Variants in LRRC37A2 observed in about 807,000 individuals in gnomAD.
LRRC37A2 encodes the protein leucine rich repeat containing 37 member A2.
In LRRC37A2, 9 loss-of-function variants were observed where a neutral mutation model predicts 68.8. The observed-to-expected ratio is 0.13, with a 90% CI of 0.08 to 0.23. The LOEUF is 0.23. LRRC37A2 is among the 10% of genes least tolerant of loss of function. The probability of loss-of-function intolerance (pLI) is 1.00; values close to 1 mark genes in which losing one functional copy is unlikely to be tolerated. For missense variants in LRRC37A2, 168 were observed against 950.4 expected, an observed-to-expected ratio of 0.18 and a Z score of 10.82; for synonymous variants, 63 against 367.6, an observed-to-expected ratio of 0.17 and a Z score of 9.48.
chr17:46,950,315 G>A, the LRRC37A2 span, among the ~76,000 whole-genome samples: 1 of 152,186 alleles, frequency 6.6e-6, no homozygotes, highest in African/African-American at 2.4e-5. Context: ...GTGAGGAGGA[G>A]GCGGCTGGCT....
chr17:46,934,927 C>G, the LRRC37A2 span: 1 of 1,021,172 alleles, frequency 9.8e-7, no homozygotes, highest in South Asian at 1.3e-5. Context: ...TCACCAGCCC[C>G]TCCGGCTGTT....
intron 9 of LRRC37A2, chr17:46,547,105 A>C (rs1767487388): frequency 3.5e-5 from 1 of 28,284 alleles, no homozygotes; most frequent in Non-Finnish European, 7.0e-5. Context: ...TATGGGGTGG[A>C]GAATTAATAA....
the LRRC37A2 span, chr17:46,756,010 T>C: frequency 1.7e-6 from 1 of 581,064 alleles, no homozygotes; most frequent in Non-Finnish European, 3.0e-6. Context: ...GCTTAGTGTC[T>C]CGTGGAAGGT....
chr17:46,893,512 T>A, the LRRC37A2 span, among the ~76,000 whole-genome samples: 1 of 152,188 alleles, frequency 6.6e-6, no homozygotes, highest in Non-Finnish European at 1.5e-5. Context: ...ACCAGGCATT[T>A]ATGGGTCTCT....
the LRRC37A2 span, among the ~76,000 whole-genome samples, chr17:46,881,459 T>C: frequency 1.4e-4 from 21 of 152,352 alleles, no homozygotes; most frequent in African/African-American, 3.4e-4. Flanking sequence ...CTTCTTTTTT[T>C]ACAGATAGGG....
the LRRC37A2 span, among the ~76,000 whole-genome samples, chr17:46,868,616 A>G: frequency 6.6e-6 from 1 of 152,066 alleles, no homozygotes; most frequent in Non-Finnish European, 1.5e-5. Flanking sequence ...AAAACAAAAC[A>G]AAACAAAAAC....
At chr17:46,541,909 C>T (rs1037278019) in intron 8 of LRRC37A2, among the ~76,000 whole-genome samples, 6 of 148,338 alleles carry the variant, frequency 4.0e-5, no homozygotes, top group African/African-American at 1.6e-4. Flanking sequence ...GACAACTGTT[C>T]ACTCCTTTTT....
the LRRC37A2 span, among the ~76,000 whole-genome samples, chr17:46,679,734 G>A: frequency 2.0e-5 from 3 of 151,282 alleles, no homozygotes; most frequent in Non-Finnish European, 4.4e-5. Context: ...TTAACATTAA[G>A]TCAAATGTGC....
At chr17:46,815,583 T>C in the LRRC37A2 span, among the ~76,000 whole-genome samples, 1 of 151,774 alleles carries the variant, frequency 6.6e-6, no homozygotes, top group Non-Finnish European at 1.5e-5. Context: ...AGAAATGGGA[T>C]CAGGAATCAG....
chr17:46,799,458 T>C, the LRRC37A2 span, among the ~76,000 whole-genome samples: 1,004 of 151,410 alleles, frequency 6.6e-3, 10 homozygotes, highest in African/African-American at 0.023. Context: ...TTTTTTTTTT[T>C]TTTTTTCGAG....
the LRRC37A2 span, chr17:46,830,847 A>G: frequency 1.5e-5 from 6 of 398,214 alleles, no homozygotes; most frequent in Middle Eastern, 6.3e-4. Context: ...CCTTCTGAGT[A>G]TCCTCAAAGA....
chr17:46,805,487 C>T, the LRRC37A2 span, among the ~76,000 whole-genome samples: 3 of 152,088 alleles, frequency 2.0e-5, no homozygotes, highest in Non-Finnish European at 2.9e-5. Context: ...GCAGGAGAAT[C>T]GCTTGAACCG....
At chr17:46,885,960 T>C in the LRRC37A2 span, 1 of 152,216 alleles carries the variant, frequency 6.6e-6, no homozygotes, top group African/African-American at 2.4e-5. Context: ...TTCTGCAAGA[T>C]GAGGTGGGGA....
the LRRC37A2 span, among the ~76,000 whole-genome samples, chr17:46,811,837 A>G: frequency 6.6e-6 from 1 of 152,098 alleles, no homozygotes; most frequent in African/African-American, 2.4e-5. Flanking sequence ...CGCACCTGTA[A>G]TCCCAGCTAC....
the LRRC37A2 span, among the ~76,000 whole-genome samples, chr17:47,026,865 G>A: frequency 1.3e-5 from 2 of 152,080 alleles, no homozygotes; most frequent in African/African-American, 4.8e-5. Context: ...AACTGGCTTA[G>A]GAAAACAGAC....
chr17:46,769,722 G>T, the LRRC37A2 span: 6 of 1,594,652 alleles, frequency 3.8e-6, no homozygotes, highest in African/African-American at 1.3e-5. Flanking sequence ...GGCCAGGGCA[G>T]CTCCGGAGGG....
chr17:46,725,307 A>C, the LRRC37A2 span, among the ~76,000 whole-genome samples: 3 of 152,186 alleles, frequency 2.0e-5, no homozygotes, highest in Admixed American at 6.5e-5. Flanking sequence ...TCCACCTCAC[A>C]GTCCAGTGGG....
chr17:46,843,550 C>T, the LRRC37A2 span, among the ~76,000 whole-genome samples: 1 of 152,178 alleles, frequency 6.6e-6, no homozygotes, highest in Non-Finnish European at 1.5e-5. Flanking sequence ...TCCTGGGTTC[C>T]TGCCTCATTT....
the LRRC37A2 span, among the ~76,000 whole-genome samples, chr17:46,926,210 G>T: frequency 6.6e-6 from 1 of 152,112 alleles, no homozygotes; most frequent in Admixed American, 6.5e-5. Context: ...TTTAATGAGC[G>T]AAATGTAAAG....
Sources: allele counts gnomAD v4.1 joint callset (sites outside exome capture counted in the v4.1 genomes callset), GRCh38; gene constraint gnomAD v4.1.1; transcripts MANE v1.5; gene names NCBI Gene and HGNC (gene_info 2026-07-23, HGNC 2026-07-21).